NAALADL2: variants seen among roughly 807,000 people sequenced by gnomAD.
NAALADL2 encodes N-acetylated alpha-linked acidic dipeptidase like 2, also known as inactive N-acetylated-alpha-linked acidic dipeptidase-like protein 2.
In NAALADL2, 76 loss-of-function variants were observed where a neutral mutation model predicts 87.2. The observed-to-expected ratio is 0.87, with a 90% CI of 0.72 to 1.05. The LOEUF is 1.05. NAALADL2 is among the 50% of genes least tolerant of loss of function. NAALADL2 has a pLI of 0.00. For missense variants in NAALADL2, 1,089 were observed against 945.8 expected, an observed-to-expected ratio of 1.15 and a Z score of -1.99; for synonymous variants, 354 against 331.0, an observed-to-expected ratio of 1.07 and a Z score of -0.75.
At chr3:175,020,362 C>T (rs1020858132) in intron 1 of NAALADL2, among the ~76,000 whole-genome samples, 1 of 152,070 alleles carries the variant, frequency 6.6e-6, no homozygotes, top group Admixed American at 6.6e-5. Flanking sequence ...ATCTGTGTTT[C>T]AAACTGATGT....
intron 1 of NAALADL2, among the ~76,000 whole-genome samples, chr3:174,942,327 T>C (rs954104833): frequency 2.0e-5 from 3 of 152,304 alleles, no homozygotes; most frequent in East Asian, 3.9e-4. Context: ...GTTGGTTGCA[T>C]ATTTTTTTCT....
At chr3:174,676,217 AATGAAATCT>A (rs1354254673) in intron 2 of NAALADL2, among the ~76,000 whole-genome samples, 2 of 152,040 alleles carry the variant, frequency 1.3e-5, no homozygotes, top group Non-Finnish European at 2.9e-5. Context: ...TTCATGGCTA[AATGAAATCT>A]TCGATGATTT....
chr3:175,013,470 T>C (rs1750422581), intron 1 of NAALADL2, among the ~76,000 whole-genome samples: 1 of 150,092 alleles, frequency 6.7e-6, no homozygotes, highest in South Asian at 2.1e-4. Flanking sequence ...AGCTAATTTT[T>C]ATAGTTTTAG....
chr3:175,406,111 G>A (rs1047954941), intron 5 of NAALADL2, among the ~76,000 whole-genome samples: 14 of 152,178 alleles, frequency 9.2e-5, no homozygotes, highest in Admixed American at 8.5e-4. Context: ...CATAATTTCC[G>A]GTCATGATTA....
In NAALADL2 at chr3:175,097,272, G is replaced by T; in HGVS notation, c.526G>T (p.Asp176Tyr). 2 of 1,609,216 alleles carry T rather than the reference G, an allele frequency of 1.2e-6. No homozygotes were observed. The highest frequency in any genetic ancestry group is 1.7e-6 in the Non-Finnish European group (2 of 1,177,534). ...QEILKTIQAE[D>Y]IKKSFRNLVQ... ...GATTCTCAAGACAATCCAGGCAGAA[G>T]ATATTAAGAAGTCTTTCAGGTAGGT... Residue 176 changes from aspartate (D) to tyrosine (Y), a missense_variant, in exon 2 of 14, where the codon GAT becomes TAT. Asp to Tyr is a radical substitution (Grantham distance 160). Transcript: ENST00000454872.
intron 12 of NAALADL2, among the ~76,000 whole-genome samples, chr3:175,737,714 GTTTTTTTTT>G (rs71164650): frequency 3.1e-4 from 17 of 54,762 alleles, no homozygotes; most frequent in African/African-American, 9.9e-4. Context: ...CAATGATCCA[GTTTTTTTTT>G]TTTTTTTTTT....
chr3:174,496,724 A>T (rs1385695495), intron 1 of NAALADL2, among the ~76,000 whole-genome samples: 1 of 152,052 alleles, frequency 6.6e-6, no homozygotes, highest in African/African-American at 2.4e-5. Context: ...GTACTGAAAT[A>T]ATAGAATAAT....
intron 1 of NAALADL2, among the ~76,000 whole-genome samples, chr3:174,915,601 A>C (rs1734263561): frequency 6.6e-6 from 1 of 152,250 alleles, no homozygotes; most frequent in South Asian, 2.1e-4. Context: ...TATTATATTT[A>C]TTAGAGAAAT....
intron 9 of NAALADL2, among the ~76,000 whole-genome samples, chr3:175,536,936 C>A (rs1481226368): frequency 2.0e-5 from 3 of 152,104 alleles, no homozygotes; most frequent in Non-Finnish European, 4.4e-5. Context: ...GAGCAGAGAT[C>A]GCGCCACTGC....
chr3:174,769,018 T>A (rs1363616253), intron 3 of NAALADL2, among the ~76,000 whole-genome samples: 1 of 151,958 alleles, frequency 6.6e-6, no homozygotes, highest in Non-Finnish European at 1.5e-5. Flanking sequence ...ATGGTTAACA[T>A]TGATTTATTT....
At chr3:175,441,130 C>G (rs995864821) in intron 5 of NAALADL2, among the ~76,000 whole-genome samples, 3 of 151,810 alleles carry the variant, frequency 2.0e-5, no homozygotes, top group African/African-American at 7.3e-5. Flanking sequence ...ACCATTGGCT[C>G]TCCATATCCA....
chr3:175,219,933 A>AT (rs1367181435), intron 2 of NAALADL2, among the ~76,000 whole-genome samples: 6 of 142,964 alleles, frequency 4.2e-5, no homozygotes, highest in Non-Finnish European at 9.1e-5. Context: ...CATAAATAAT[A>AT]TTTTTTCTTA....
chr3:174,986,291 A>T (rs1421468137), intron 1 of NAALADL2, among the ~76,000 whole-genome samples: 1 of 143,762 alleles, frequency 7.0e-6, no homozygotes, highest in East Asian at 2.0e-4. Flanking sequence ...TATATACACA[A>T]TATATATAAT....
intron 13 of NAALADL2, among the ~76,000 whole-genome samples, chr3:175,789,703 T>C (rs911895466): frequency 3.3e-5 from 5 of 152,136 alleles, no homozygotes; most frequent in South Asian, 2.1e-4. Context: ...AGTTAAGAAC[T>C]GCATGCATTA....
rs191495311 is a variant in NAALADL2, at chr3:175,170,099, T to A, written c.546-63832T>A. 7.2e-5 allele frequency among the ~76,000 whole-genome samples: 11 copies of A among 152,010 alleles called. 1 individual carries two copies. The highest frequency in any genetic ancestry group is 6.2e-4 in the South Asian group (3 of 4,832). ...CTCTGTTTTTATTAAGTAACTGACATGCAATTTCTGTTATATAAAGTGCTT... is the reference window on the plus strand; with the variant it reads ...CTCTGTTTTTATTAAGTAACTGACAAGCAATTTCTGTTATATAAAGTGCTT... On this transcript the variant is annotated intron_variant, in intron 2 of 13. Coordinates refer to ENST00000454872, the MANE Select transcript of NAALADL2 (RefSeq NM_207015.3).
intron 2 of NAALADL2, among the ~76,000 whole-genome samples, chr3:174,597,955 T>C (rs1314922299): frequency 6.6e-6 from 1 of 152,156 alleles, no homozygotes; most frequent in Non-Finnish European, 1.5e-5. Flanking sequence ...CTTTCTCTCT[T>C]GTATTGTAGA....
rs150268870 is a variant in NAALADL2 at position 174,635,572 on chromosome 3, G to A, written c.-115+84935G>A. Among the ~76,000 whole-genome samples the A allele has an allele frequency of 4.1e-3, 625 of 150,832 alleles. 3 individuals carry two copies. Among genetic ancestry groups the A allele is most frequent in the African/African-American group, 0.015 (598 of 41,098 alleles). On this transcript the variant is annotated intron_variant, in intron 2 of 3. Coordinates refer to the NAALADL2 transcript ENST00000434257. Reference sequence around the variant, plus strand: ...GGCTGGAGTGCTCTGGCGCGATCTCGGCTCACTGCAACTTCTGCCTCCCGG... The same window carrying A: ...GGCTGGAGTGCTCTGGCGCGATCTCAGCTCACTGCAACTTCTGCCTCCCGG...
chr3:175,653,289 C>T (rs1050163309), intron 11 of NAALADL2, among the ~76,000 whole-genome samples: 2 of 151,994 alleles, frequency 1.3e-5, no homozygotes, highest in Non-Finnish European at 2.9e-5. Context: ...TTTGCTAATC[C>T]TTCTTCCACC....
At chr3:174,651,125 T>A (rs9862858) in intron 2 of NAALADL2, among the ~76,000 whole-genome samples, 1 of 152,166 alleles carries the variant, frequency 6.6e-6, no homozygotes, top group African/African-American at 2.4e-5. Flanking sequence ...TGTGCTATCA[T>A]TTAGAATATG....
Sources: allele counts gnomAD v4.1 joint callset (sites outside exome capture counted in the v4.1 genomes callset), GRCh38; gene constraint gnomAD v4.1.1; transcripts MANE v1.5; gene names NCBI Gene and HGNC (gene_info 2026-07-23, HGNC 2026-07-21).